The following SPOCK3 variants were observed in gnomAD, a reference collection of about 807,000 sequenced individuals.
SPOCK3 encodes SPARC (osteonectin), cwcv and kazal like domains proteoglycan 3, also known as testican-3.
Under a neutral mutation model 56.6 loss-of-function variants are expected in SPOCK3, and 30 were observed. The ratio of observed to expected loss-of-function variants is 0.53; its 90% CI spans 0.40 to 0.72. The LOEUF is 0.72. Among genes scored for constraint, SPOCK3 ranks in the 30% least tolerant of loss-of-function variants. The probability of loss-of-function intolerance (pLI) is 0.00; values close to 1 mark genes in which losing one functional copy is unlikely to be tolerated. For synonymous variants in SPOCK3, 196 were observed against 183.3 expected (o/e 1.07, Z -0.56); for missense variants, 527 against 530.0 (o/e 0.99, Z 0.06).
At position 166,942,070 on chromosome 4, in the gene SPOCK3, T is replaced by C. The variant is rs192501739; in HGVS notation, c.351-29327A>G. Among the ~76,000 whole-genome samples the C allele has an allele frequency of 4.6e-5, 7 of 152,370 alleles. No homozygotes were observed. The East Asian group carries it at 1.2e-3, about 25-fold the overall frequency. On this transcript the variant is annotated intron_variant, in intron 4 of 10. Transcript: ENST00000357545. The stretch of plus-strand genomic sequence containing the variant: ...GTTATAATGCCATTTGATATTTTAA[T>C]ACATAACTTTATAAACACTTAAATG...
chr4:167,175,893 T>A (rs1299740702), intron 2 of SPOCK3, among the ~76,000 whole-genome samples: 1 of 152,178 alleles, frequency 6.6e-6, no homozygotes, highest in Non-Finnish European at 1.5e-5. Flanking sequence ...GTGTATTGTA[T>A]TAATTTCCTA....
intron 3 of SPOCK3, among the ~76,000 whole-genome samples, chr4:167,010,556 T>C (rs139385918): frequency 6.6e-6 from 1 of 150,396 alleles, no homozygotes; most frequent in East Asian, 2.0e-4. Context: ...CACATCCATA[T>C]TATTCTTTAA....
intron 5 of SPOCK3, among the ~76,000 whole-genome samples, chr4:166,907,455 C>G (rs930614994): frequency 6.6e-6 from 1 of 152,080 alleles, no homozygotes; most frequent in Non-Finnish European, 1.5e-5. Context: ...GAGTTCTTTT[C>G]CTACCTGTGA....
chr4:166,997,946 C>T (rs1037890029), intron 4 of SPOCK3, among the ~76,000 whole-genome samples: 2 of 152,000 alleles, frequency 1.3e-5, no homozygotes, highest in Admixed American at 6.6e-5. Flanking sequence ...TCAATTAAGC[C>T]GTCTTTCCCT....
intron 5 of SPOCK3, among the ~76,000 whole-genome samples, chr4:166,911,120 A>T (rs1737217972): frequency 6.6e-6 from 1 of 152,170 alleles, no homozygotes; most frequent in Admixed American, 6.6e-5. Flanking sequence ...GATCAAGACC[A>T]TGTTGAAAGG....
intron 4 of SPOCK3, among the ~76,000 whole-genome samples, chr4:166,929,201 A>C (rs917679429): frequency 1.4e-4 from 22 of 152,232 alleles, no homozygotes; most frequent in African/African-American, 5.3e-4. Flanking sequence ...AGAAAGGCAG[A>C]ATGTTAGCTT....
At chr4:166,911,691 C>A (rs189558674) in intron 5 of SPOCK3, among the ~76,000 whole-genome samples, 163 of 152,144 alleles carry the variant, frequency 1.1e-3, no homozygotes, top group Non-Finnish European at 1.4e-3. Context: ...ATGCCCAACA[C>A]CATGCCTGAT....
intron 5 of SPOCK3, among the ~76,000 whole-genome samples, chr4:166,904,839 T>C (rs974923051): frequency 1.3e-5 from 2 of 152,068 alleles, no homozygotes; most frequent in African/African-American, 4.8e-5. Context: ...CATCACCTCC[T>C]GTATTCTTTT....
rs551836978 is a variant in SPOCK3, at chr4:167,140,624, G to T, written c.190-78087C>A. Among the ~76,000 whole-genome samples the T allele has an allele frequency of 7.2e-5, 11 of 152,094 alleles. No individual in the cohort carries two copies. The South Asian group carries it at 2.3e-3, about 32-fold the overall frequency. Reference sequence around the variant, plus strand: ...AGTTGTCACCACAACCAGACAGATTGTGTATCTATTCTCCTGATGATAGTT... The same window carrying T: ...AGTTGTCACCACAACCAGACAGATTTTGTATCTATTCTCCTGATGATAGTT... On this transcript the variant is annotated intron_variant, in intron 2 of 10. Transcript: ENST00000357545.
intron 2 of SPOCK3, among the ~76,000 whole-genome samples, chr4:167,100,575 A>G (rs1413898723): frequency 6.6e-6 from 1 of 152,002 alleles, no homozygotes; most frequent in African/African-American, 2.4e-5. Flanking sequence ...TCACCCTCCC[A>G]TCTTATCCCT....
intron 5 of SPOCK3, among the ~76,000 whole-genome samples, chr4:166,895,402 A>G (rs751965300): frequency 2.0e-5 from 3 of 151,192 alleles, no homozygotes; most frequent in Non-Finnish European, 4.4e-5. Context: ...ATGAGAGTCA[A>G]TTTTTTAAAA....
intron 3 of SPOCK3, among the ~76,000 whole-genome samples, chr4:167,022,927 A>G (rs1488369174): frequency 1.3e-5 from 2 of 151,972 alleles, no homozygotes; most frequent in Non-Finnish European, 2.9e-5. Flanking sequence ...CATAAATGCC[A>G]CTCAGAGAGA....
chr4:166,907,863 G>A (rs531419744), intron 5 of SPOCK3, among the ~76,000 whole-genome samples: 2 of 152,102 alleles, frequency 1.3e-5, no homozygotes, highest in East Asian at 3.9e-4. Flanking sequence ...TTCTGGTGCT[G>A]TAATATTGAT....
chr4:166,791,979 T>A (rs772150942), intron 7 of SPOCK3, among the ~76,000 whole-genome samples, 191 bp downstream of exon 7: 1 of 152,214 alleles, frequency 6.6e-6, no homozygotes, highest in African/African-American at 2.4e-5. Context: ...TTTCCTCCAA[T>A]AAGAGTTGTC....
intron 3 of SPOCK3, among the ~76,000 whole-genome samples, chr4:167,045,506 C>T (rs904147145): frequency 7.9e-5 from 12 of 151,804 alleles, no homozygotes; most frequent in African/African-American, 2.9e-4. Flanking sequence ...TTTAATTGAG[C>T]ATTTTTTAGG....
intron 2 of SPOCK3, among the ~76,000 whole-genome samples, chr4:167,139,940 C>T (rs1732046447): frequency 6.6e-6 from 1 of 151,892 alleles, no homozygotes; most frequent in African/African-American, 2.4e-5. Flanking sequence ...TTTATACTTC[C>T]ACCAAGAAGT....
intron 2 of SPOCK3, among the ~76,000 whole-genome samples, chr4:167,116,831 GTA>G (rs905514127): frequency 7.8e-6 from 1 of 127,554 alleles, no homozygotes; most frequent in African/African-American, 2.9e-5. Flanking sequence ...ATATATAAAA[GTA>G]TATATATACT....
intron 5 of SPOCK3, among the ~76,000 whole-genome samples, chr4:166,899,573 C>T (rs1474987669): frequency 7.2e-6 from 1 of 138,808 alleles, no homozygotes; most frequent in Non-Finnish European, 1.5e-5. Context: ...GTGGCATGAT[C>T]TCAGCTTACT....
At chr4:167,212,589 G>T (rs1734990083) in intron 2 of SPOCK3, among the ~76,000 whole-genome samples, 2 of 152,156 alleles carry the variant, frequency 1.3e-5, no homozygotes, top group South Asian at 4.1e-4. Flanking sequence ...CTGGACTCAA[G>T]AAAATTTTGA....
Sources: allele counts gnomAD v4.1 joint callset (sites outside exome capture counted in the v4.1 genomes callset), GRCh38; gene constraint gnomAD v4.1.1; transcripts MANE v1.5; gene names NCBI Gene and HGNC (gene_info 2026-07-23, HGNC 2026-07-21).